Variants in DGCR2 observed in about 807,000 individuals in gnomAD.
The protein encoded by DGCR2 is DiGeorge syndrome critical region gene 2.
Under a neutral mutation model 51.6 loss-of-function variants are expected in DGCR2, and 24 were observed. That is an observed-to-expected ratio of 0.47 (90% confidence interval 0.34 to 0.65). DGCR2 has a LOEUF of 0.65. Ranked by LOEUF, DGCR2 falls within the 30% of genes least tolerant of loss-of-function variation. DGCR2 has a pLI of 0.01. For synonymous variants in DGCR2, 340 were observed against 315.4 expected (o/e 1.08, Z -0.82); for missense variants, 765 against 772.1 (o/e 0.99, Z 0.11).
At position 19,039,082 on chromosome 22, in the gene DGCR2, G is replaced by C. The variant is rs1164657589; in HGVS notation, c.1436C>G (p.Ala479Gly). The change falls in exon 10 of 10, where the codon GCC becomes GGC. Residue 479 changes from alanine to glycine, a missense_variant. By Grantham distance (60) the Ala-to-Gly change is moderately conservative. This residue lies in a region of DGCR2 where 205 missense variants were observed against 181.4 expected (regional missense o/e 1.13). Transcript: ENST00000263196. The stretch of plus-strand genomic sequence containing the variant: ...ACCTTCACTCCCACCATCCCCAGGG[G>C]CTGGCAGGCTGACCTCCACAGGCTC... ...AFEPVEVSLP[A>G]PGDGGSEGAL... The C allele has an allele frequency of 3.7e-6, 6 of 1,613,238 alleles. No individual in the cohort carries two copies. The highest frequency in any genetic ancestry group is 5.1e-6 in the Non-Finnish European group (6 of 1,180,004).
chr22:19,088,210 C>T lies in DGCR2; in HGVS notation c.202+1158G>A, dbSNP rs556060672. Among the ~76,000 whole-genome samples, 4 of 152,266 alleles carry T rather than the reference C, an allele frequency of 2.6e-5. No individual in the cohort carries two copies. The East Asian group carries it at 7.7e-4, about 29-fold the overall frequency. On this transcript the variant is annotated intron_variant, in intron 2 of 9. Transcript: ENST00000263196. ...ACTAAGGAAGGAGAAAGGTCTCTGC[C>T]CCCTGGGAACTCATGGTCTGGATGG...
At chr22:19,063,977 C>T (rs1049489104) in intron 4 of DGCR2, among the ~76,000 whole-genome samples, 1 of 152,238 alleles carries the variant, frequency 6.6e-6, no homozygotes, top group African/African-American at 2.4e-5. Context: ...AACACTTGCA[C>T]GGCTTCCCAC....
chr22:19,040,805 G>C (rs542067740), intron 9 of DGCR2, among the ~76,000 whole-genome samples: 102 of 152,316 alleles, frequency 6.7e-4, no homozygotes, highest in African/African-American at 2.1e-3. Context: ...GCTCACAGAA[G>C]GCAGGGAGGT....
chr22:19,083,865 C>T (rs954204936), intron 2 of DGCR2, among the ~76,000 whole-genome samples: 2 of 151,886 alleles, frequency 1.3e-5, no homozygotes, highest in East Asian at 1.9e-4. Flanking sequence ...ATTGCAGGCG[C>T]GCGCCGCCAT....
At position 19,064,944 on chromosome 22, in the gene DGCR2, G is replaced by A; in HGVS notation, c.452C>T (p.Ser151Phe). The A allele has an allele frequency of 1.9e-6, 3 of 1,614,008 alleles. 1 individual carries two copies. In the South Asian group the frequency reaches 3.3e-5, roughly 18 times the overall value. Residue 151 changes from serine to phenylalanine, a missense_variant, in exon 4 of 10, where the codon TCT becomes TTT. By Grantham distance (155) the Ser-to-Phe change is radical. Transcript: ENST00000263196. ...CTGGTCAGTGGAGAAGGTGGCGAGA[G>A]AGCCATTCAGGCGCTGGCAGGTCTG... ...AAQTCQRLNG[S>F]LATFSTDQEL...
chr22:19,096,999 C>T (rs1452845664), intron 1 of DGCR2, among the ~76,000 whole-genome samples: 1 of 151,780 alleles, frequency 6.6e-6, no homozygotes, highest in African/African-American at 2.4e-5. Context: ...CCCAGAAAAA[C>T]TTCAATGCAC....
chr22:19,083,424 T>C (rs891674212), intron 2 of DGCR2, among the ~76,000 whole-genome samples: 1 of 152,312 alleles, frequency 6.6e-6, no homozygotes, highest in African/African-American at 2.4e-5. Context: ...GACCTCTCAA[T>C]ACTACGACTT....
At chr22:19,084,850 T>TG (rs1172899228) in intron 2 of DGCR2, among the ~76,000 whole-genome samples, 19 of 144,534 alleles carry the variant, frequency 1.3e-4, no homozygotes, top group South Asian at 6.7e-4. Flanking sequence ...GTCCGGGAGG[T>TG]GGGGGGCGCC....
At chr22:19,043,198 C>T (rs1040084528) in intron 7 of DGCR2, among the ~76,000 whole-genome samples, 4 of 152,362 alleles carry the variant, frequency 2.6e-5, no homozygotes, top group East Asian at 1.9e-4. Context: ...AACCATTTCA[C>T]GCTTTTCGTG....
At chr22:19,062,279 G>A (rs915737312) in intron 5 of DGCR2, among the ~76,000 whole-genome samples, 3 of 152,190 alleles carry the variant, frequency 2.0e-5, no homozygotes, top group Non-Finnish European at 2.9e-5. Context: ...GACAGCAGGT[G>A]TGGCCCCAGT....
At chr22:19,101,478 T>C (rs904876492) in intron 1 of DGCR2, among the ~76,000 whole-genome samples, 7 of 150,500 alleles carry the variant, frequency 4.7e-5, no homozygotes, top group Non-Finnish European at 1.0e-4. Context: ...TGGTGGCTCA[T>C]GCCTGTAATC....
chr22:19,072,790 C>T (rs1285234238), intron 2 of DGCR2, among the ~76,000 whole-genome samples: 3 of 152,186 alleles, frequency 2.0e-5, no homozygotes, highest in Admixed American at 1.3e-4. Context: ...AGGAGAATCA[C>T]TTGAACCCGG....
intron 5 of DGCR2, chr22:19,061,692 A>G (rs972885032): frequency 3.1e-4 from 47 of 152,158 alleles, no homozygotes; most frequent in African/African-American, 1.0e-3. Flanking sequence ...TATTGTTACT[A>G]TTTGTTTTGT....
At chr22:19,085,153 T>C (rs1156890524) in intron 2 of DGCR2, among the ~76,000 whole-genome samples, 4 of 147,372 alleles carry the variant, frequency 2.7e-5, no homozygotes, top group Admixed American at 6.8e-5. Flanking sequence ...ACAGAAACCA[T>C]GCTAAGGGAT....
At chr22:19,113,551 G>C (rs2083340159) in intron 1 of DGCR2, among the ~76,000 whole-genome samples, 1 of 152,022 alleles carries the variant, frequency 6.6e-6, no homozygotes, top group Admixed American at 6.6e-5. Flanking sequence ...CCCACCAAAA[G>C]GAACCAGCGC....
At chr22:19,063,344 G>T in intron 4 of DGCR2, 66 bp from the exon 5 acceptor site, 2 of 1,505,360 alleles carry the variant, frequency 1.3e-6, no homozygotes, top group South Asian at 1.1e-5. Flanking sequence ...CAATGACTGT[G>T]TGTTTTTTGT....
At chr22:19,117,432 G>A (rs1483813979) in intron 1 of DGCR2, among the ~76,000 whole-genome samples, 6 of 152,228 alleles carry the variant, frequency 3.9e-5, no homozygotes, top group African/African-American at 1.4e-4. Flanking sequence ...CTGCACCCAT[G>A]AGACCTTCCC....
intron 1 of DGCR2, among the ~76,000 whole-genome samples, chr22:19,113,865 C>A (rs1026995688): frequency 1.3e-5 from 2 of 152,048 alleles, no homozygotes; most frequent in Non-Finnish European, 2.9e-5. Context: ...TTGAGACCAG[C>A]CCAGCCAACA....
intron 4 of DGCR2, among the ~76,000 whole-genome samples, chr22:19,064,019 G>C (rs892756128): frequency 4.6e-5 from 7 of 152,196 alleles, no homozygotes; most frequent in Non-Finnish European, 8.8e-5. Flanking sequence ...CCTGCAGCCT[G>C]CTCCTGAGCA....
Sources: gnomAD v4.1 joint callset for allele counts (sites outside exome capture counted in the v4.1 genomes callset) on GRCh38, gnomAD v4.1.1 for gene constraint, gnomAD v4.1.1 regional missense constraint, MANE v1.5 for transcripts, NCBI Gene and HGNC (gene_info 2026-07-23, HGNC 2026-07-21) for gene names.